Variants in NBAS observed in about 807,000 individuals in gnomAD.
NBAS encodes the protein NBAS subunit of NRZ tethering complex.
In NBAS, 219 loss-of-function variants were observed where a neutral mutation model predicts 302.5. The observed-to-expected ratio is 0.72, with a 90% confidence interval of 0.65 to 0.81. The LOEUF (loss-of-function observed/expected upper bound fraction) is 0.81. Among genes scored for constraint, NBAS ranks in the 30% least tolerant of loss-of-function variants. The pLI is 0.00. For synonymous variants in NBAS, 1,118 were observed against 1,021.6 expected (o/e 1.09, Z -1.80); for missense variants, 2,932 against 2,841.6 (o/e 1.03, Z -0.72).
the NBAS span, among the ~76,000 whole-genome samples, chr2:14,808,288 GCTA>G: frequency 6.6e-6 from 1 of 152,166 alleles, no homozygotes; most frequent in Non-Finnish European, 1.5e-5. Context: ...TGACTTCATT[GCTA>G]TATCCACTAC....
the NBAS span, among the ~76,000 whole-genome samples, chr2:15,026,977 A>G: frequency 6.6e-6 from 1 of 152,086 alleles, no homozygotes; most frequent in East Asian, 1.9e-4. Flanking sequence ...CCATTCATAA[A>G]CTAATTCTAT....
intron 21 of NBAS, among the ~76,000 whole-genome samples, chr2:15,430,903 T>C (rs571484023): frequency 6.6e-6 from 1 of 152,082 alleles, no homozygotes; most frequent in Non-Finnish European, 1.5e-5. Context: ...GTCTCTCAAG[T>C]GCAAGCAATT....
rs137952156 is a variant in NBAS at position 15,499,677 on chromosome 2, T to C, written c.954+4468A>G. On this transcript the variant is annotated intron_variant, in intron 11 of 51. Transcript: ENST00000281513. ...AACTAATGGGACTAGGCCTAATATATGGGTGACGAAATAATCTGTACAACA... is the reference window on the plus strand; with the variant it reads ...AACTAATGGGACTAGGCCTAATATACGGGTGACGAAATAATCTGTACAACA... Among the ~76,000 whole-genome samples, 678 of 152,236 alleles carry C rather than the reference T, an allele frequency of 4.5e-3. 14 individuals carry two copies. In the East Asian group the frequency reaches 0.056, roughly 13 times the overall value.
intron 26 of NBAS, among the ~76,000 whole-genome samples, chr2:15,399,910 G>C (rs6431697): frequency 0.61 from 92,001 of 151,892 alleles, 28,832 homozygotes; most frequent in Non-Finnish European, 0.68. Flanking sequence ...CACAAGATAA[G>C]GATTCTAAGT....
chr2:15,504,258 T>A, intron 10 of NBAS, 45 bp from the exon 11 acceptor site: 1 of 1,436,968 alleles, frequency 7.0e-7, no homozygotes, highest in Non-Finnish European at 9.8e-7. Context: ...CTGAAATGAC[T>A]TATCGTTGTA....
chr2:15,282,342 C>G (rs1669860715), intron 42 of NBAS, among the ~76,000 whole-genome samples: 2 of 152,182 alleles, frequency 1.3e-5, no homozygotes, highest in African/African-American at 4.8e-5. Context: ...AACCCGGACA[C>G]AAACCTATGT....
At chr2:14,964,902 A>G in the NBAS span, among the ~76,000 whole-genome samples, 60,162 of 152,008 alleles carry the variant, frequency 0.4, 13,949 homozygotes, top group East Asian at 0.63. Context: ...ATATTGCCAC[A>G]TATTTGGAAA....
chr2:15,220,352 C>T (rs1172732884), intron 47 of NBAS, among the ~76,000 whole-genome samples: 2 of 152,192 alleles, frequency 1.3e-5, no homozygotes, highest in Non-Finnish European at 2.9e-5. Context: ...TTACTTTTTA[C>T]AGCTGAACCA....
At chr2:14,894,377 C>T in the NBAS span, among the ~76,000 whole-genome samples, 1 of 152,022 alleles carries the variant, frequency 6.6e-6, no homozygotes. Flanking sequence ...TTTTTAATAA[C>T]AAAATATAGA....
At chr2:15,200,541 G>A (rs773353066) in intron 48 of NBAS, among the ~76,000 whole-genome samples, 15 of 152,026 alleles carry the variant, frequency 9.9e-5, no homozygotes, top group Non-Finnish European at 1.9e-4. Flanking sequence ...AGGTGAAAAC[G>A]TCAAATAGTT....
intron 28 of NBAS, among the ~76,000 whole-genome samples, chr2:15,389,540 C>T (rs961806883): frequency 6.6e-6 from 1 of 152,062 alleles, no homozygotes; most frequent in African/African-American, 2.4e-5. Flanking sequence ...ATCTGATTCC[C>T]GAGTCAAGAT....
rs186904488 is a variant in NBAS, at chr2:15,494,573, A to G, written c.955-5551T>C. ...GTAAGATCTTTTATATTGGAGGAATATATTGATATTTAATTCTTCTAACTA... is the reference window on the plus strand; with the variant it reads ...GTAAGATCTTTTATATTGGAGGAATGTATTGATATTTAATTCTTCTAACTA... On this transcript the variant is annotated intron_variant, in intron 11 of 51. Transcript: ENST00000281513. 7.0e-4 allele frequency among the ~76,000 whole-genome samples: 106 copies of G among 152,334 alleles called. 2 individuals are homozygous for G. Among genetic ancestry groups the G allele is most frequent in the Admixed American group, 6.0e-3 (92 of 15,296 alleles).
chr2:14,821,271 G>A, the NBAS span, among the ~76,000 whole-genome samples: 3 of 152,114 alleles, frequency 2.0e-5, no homozygotes, highest in Admixed American at 6.5e-5. Flanking sequence ...TATATGGTAG[G>A]TGGCTTGGTG....
chr2:15,209,223 A>G (rs1008403177), intron 48 of NBAS, among the ~76,000 whole-genome samples: 1 of 152,208 alleles, frequency 6.6e-6, no homozygotes, highest in Admixed American at 6.5e-5. Flanking sequence ...TCCTAGACAC[A>G]TGCAACCTAC....
the NBAS span, among the ~76,000 whole-genome samples, chr2:14,813,237 T>A: frequency 6.6e-6 from 1 of 152,158 alleles, no homozygotes; most frequent in South Asian, 2.1e-4. Context: ...GGAAGCAACC[T>A]TAAAACTGGG....
the NBAS span, among the ~76,000 whole-genome samples, chr2:14,920,554 G>T: frequency 6.6e-6 from 1 of 152,118 alleles, no homozygotes; most frequent in Non-Finnish European, 1.5e-5. Context: ...TCCTAATATA[G>T]GGTTGTTTTG....
the NBAS span, among the ~76,000 whole-genome samples, chr2:15,074,944 C>A: frequency 3.9e-5 from 6 of 152,258 alleles, no homozygotes; most frequent in South Asian, 1.2e-3. Context: ...TCATGATGAA[C>A]AATACCCAGT....
intron 17 of NBAS, among the ~76,000 whole-genome samples, 195 bp downstream of exon 17, chr2:15,468,183 TATAC>T (rs1445009392): frequency 2.0e-5 from 3 of 152,324 alleles, no homozygotes; most frequent in African/African-American, 7.2e-5. Context: ...ACTTCTCAGA[TATAC>T]TCTCATATTT....
rs1300288283 is a variant in NBAS, at chr2:15,292,756, T to C, written c.4808A>G (p.Lys1603Arg). 2 of 1,614,074 alleles carry C rather than the reference T, an allele frequency of 1.2e-6. No individual in the cohort carries two copies. Among genetic ancestry groups the C allele is most frequent in the African/African-American group, 1.3e-5 (1 of 74,932 alleles). ...CCTGGTGACCATCTTGATTAGTTCT[T>C]TGGGATCAGCCTATGAAAGACATGG... is the stretch of plus-strand genomic sequence containing the variant. The part of the protein sequence containing the change: ...KCHPLYRADP[K>R]ELIKMVTRHV... Residue 1603 changes from lysine (K) to arginine (R), a missense_variant, in exon 41 of 52, where the codon AAA becomes AGA. By Grantham distance (26) the Lys-to-Arg change is conservative (BLOSUM62 2). Transcript: ENST00000281513.
Sources: allele counts gnomAD v4.1 joint callset (sites outside exome capture counted in the v4.1 genomes callset), GRCh38; gene constraint gnomAD v4.1.1; transcripts MANE v1.5; gene names NCBI Gene and HGNC (gene_info 2026-07-23, HGNC 2026-07-21).